Variants in PLIN4 observed in about 807,000 individuals in gnomAD.
PLIN4 encodes the protein perilipin-4.
Under a neutral mutation model 52.4 loss-of-function variants are expected in PLIN4, and 57 were observed. The observed-to-expected ratio is 1.09, with a 90% confidence interval of 0.88 to 1.36. PLIN4 has a LOEUF of 1.36. Among genes scored for constraint, PLIN4 ranks in the 40% most tolerant of loss-of-function variants. The probability of loss-of-function intolerance (pLI) is 0.00; values close to 1 mark genes in which losing one functional copy is unlikely to be tolerated. For missense variants in PLIN4, 1,757 were observed against 1,770.3 expected, an observed-to-expected ratio of 0.99 and a Z score of 0.13; for synonymous variants, 826 against 785.4, an observed-to-expected ratio of 1.05 and a Z score of -0.86.
Position 4,504,760 on chromosome 19 carries a change from C to G in PLIN4, c.3815G>C (p.Arg1272Thr). The G allele has an allele frequency of 1.3e-6, 2 of 1,599,986 alleles. No individual in the cohort carries two copies. The highest frequency in any genetic ancestry group is 8.5e-7 in the Non-Finnish European group (1 of 1,172,742). ...QEERDAGVLS[R>T]VCGLLRQLHT... Reference sequence around the variant, plus strand: ...CAGCTGCCGGAGAAGGCCGCAGACCCTGGACAGAACCCCGGCATCCCGCTC... The same window carrying G: ...CAGCTGCCGGAGAAGGCCGCAGACCGTGGACAGAACCCCGGCATCCCGCTC... The change falls in exon 8 of 8, where the codon AGG becomes ACG. Residue 1272 changes from arginine (R) to threonine (T), a missense_variant. This residue lies in a region of PLIN4 where 712 missense variants were observed against 637.1 expected (regional missense o/e 1.12). Transcript: ENST00000301286.
At chr19:4,517,724 G>A in intron 2 of PLIN4, 26 bp from the exon 3 acceptor site, 1 of 1,564,790 alleles carries the variant, frequency 6.4e-7, no homozygotes, top group Non-Finnish European at 8.7e-7. Context: ...GGGTGTGCAG[G>A]ATGAGCAGGC....
intron 3 of PLIN4, 95 bp from the exon 4 acceptor site, chr19:4,516,773 G>A: frequency 3.2e-6 from 4 of 1,254,516 alleles, no homozygotes; most frequent in Non-Finnish European, 4.3e-6. Context: ...CAGCCTAAAA[G>A]GTCAGGAATG....
Position 4,517,265 on chromosome 19 carries a change from T to G in PLIN4, c.196+289A>C, listed in dbSNP as rs1043857895. On this transcript the variant is annotated intron_variant, in intron 3 of 7. Coordinates refer to ENST00000301286, the MANE Select transcript of PLIN4 (RefSeq NM_001367868.2). ...GCTCAGATGGGCAGAGCACCCAGCC[T>G]GGGCCATGGTGCATCAGAAACGGAG... Among the ~76,000 whole-genome samples, 4 of 152,050 alleles carry G rather than the reference T, an allele frequency of 2.6e-5. No homozygotes were observed. The East Asian group carries it at 7.7e-4, about 29-fold the overall frequency.
chr19:4,504,973 T>G, intron 6 of PLIN4, 26 bp from the exon 7 acceptor site: 1 of 1,575,074 alleles, frequency 6.3e-7, no homozygotes, highest in Middle Eastern at 1.7e-4. Context: ...AGTGGGGAAA[T>G]GATGGCTTCT....
Position 4,512,246 on chromosome 19 carries a change from G to A in PLIN4, c.1714C>T (p.Leu572Phe), listed in dbSNP as rs143850052. Residue 572 changes from leucine to phenylalanine, a missense_variant, in exon 5 of 8, where the codon CTC (leucine) becomes TTC (phenylalanine). Physicochemically the swap from Leu to Phe is conservative, Grantham distance 22 (BLOSUM62 0). This residue lies in a region of PLIN4 where 439 missense variants were observed against 406.4 expected (regional missense o/e 1.08). Transcript: ENST00000301286. ...IGTKDTMSTG[L>F]TGAANVAKGA... ...TTGGCCACATTCGCTGCCCCCGTGAGCCCAGTGGACATCGTGTCTTTTGTA... is the reference window on the plus strand; with the variant it reads ...TTGGCCACATTCGCTGCCCCCGTGAACCCAGTGGACATCGTGTCTTTTGTA... 832 of 1,610,594 alleles carry A rather than the reference G, an allele frequency of 5.2e-4. 38 individuals carry two copies. The African/African-American group carries it at 0.01, about 19-fold the overall frequency.
In PLIN4 at chr19:4,508,854, C is replaced by T. The variant is rs759821686; in HGVS notation, c.3616G>A (p.Ala1206Thr). The change falls in exon 6 of 8, where the codon GCA becomes ACA. Residue 1206 changes from alanine to threonine, a missense_variant. Physicochemically the swap from Ala to Thr is moderately conservative, Grantham distance 58. Transcript: ENST00000301286. ...AGGTGGCTCACCGCGTGTTCAAATG[C>T]CCGCTGGCGGAAGCTGGGACCCAGG... ...GDLGPSFRQR[A>T]FEHAVSHLQH... 6 of 1,611,464 alleles carry T rather than the reference C, an allele frequency of 3.7e-6. No homozygotes were observed. In the African/African-American group the frequency reaches 6.7e-5, roughly 18 times the overall value.
Position 4,506,477 on chromosome 19 carries a change from C to T in PLIN4, c.3703-1530G>A, listed in dbSNP as rs149234331. Reference sequence around the variant, plus strand: ...GTTCCATTTTCCAAGCATCATCCAACGCGACGCCCTATATATTCATCTGTG... The same window carrying T: ...GTTCCATTTTCCAAGCATCATCCAATGCGACGCCCTATATATTCATCTGTG... On this transcript the variant is annotated intron_variant, in intron 6 of 7. Coordinates refer to ENST00000301286, the MANE Select transcript of PLIN4 (RefSeq NM_001367868.2). Among the ~76,000 whole-genome samples the T allele has an allele frequency of 3.0e-4, 45 of 152,336 alleles. 1 individual carries two copies. The East Asian group carries it at 5.6e-3, about 19-fold the overall frequency.
rs145635295 is a variant in PLIN4, at chr19:4,513,222, C to G, written c.738G>C (p.Val246=). 102 of 1,613,938 alleles carry G rather than the reference C, an allele frequency of 6.3e-5. 1 individual carries two copies. In the African/African-American group the frequency reaches 8.3e-4, roughly 13 times the overall value. ...DAVSTGLTGA[V]NVARGSIQTG... is the part of the protein sequence containing the mutation. Reference sequence around the variant, plus strand: ...TCTGAATGCTTCCTCTGGCCACATTCACTGCCCCTGTGAGCCCAGTGGACA... The same window carrying G: ...TCTGAATGCTTCCTCTGGCCACATTGACTGCCCCTGTGAGCCCAGTGGACA... Residue 246 remains valine (V), a synonymous_variant, in exon 5 of 8, where the codon GTG becomes GTC. Transcript: ENST00000301286.
chr19:4,508,743 G>A, intron 6 of PLIN4, 25 bp downstream of exon 6: 1 of 1,554,490 alleles, frequency 6.4e-7, no homozygotes, highest in Non-Finnish European at 8.7e-7. Context: ...CTGGGGACGG[G>A]GCAGCAGCAG....
At chr19:4,516,393 T>C (rs1976582185) in intron 4 of PLIN4, among the ~76,000 whole-genome samples, 1 of 151,998 alleles carries the variant, frequency 6.6e-6, no homozygotes, top group East Asian at 1.9e-4. Context: ...GGGGTAGCAC[T>C]GCACCCATTT....
intron 6 of PLIN4, among the ~76,000 whole-genome samples, chr19:4,506,282 A>G (rs1382477154): frequency 6.6e-6 from 1 of 151,618 alleles, no homozygotes; most frequent in African/African-American, 2.4e-5. Context: ...TATTCCTCCA[A>G]CATGCCGGGA....
intron 5 of PLIN4, among the ~76,000 whole-genome samples, chr19:4,510,208 T>A (rs1471052860): frequency 6.6e-6 from 1 of 150,500 alleles, no homozygotes; most frequent in East Asian, 2.0e-4. Flanking sequence ...CTACTAAAAA[T>A]ACAAAAAATT....
intron 6 of PLIN4, among the ~76,000 whole-genome samples, chr19:4,508,260 C>T (rs114934858): frequency 2.4e-4 from 37 of 152,176 alleles, no homozygotes; most frequent in African/African-American, 7.7e-4. Flanking sequence ...GTGTCCCCAC[C>T]GTCTTTATTT....
chr19:4,510,778 G>A lies in PLIN4; in HGVS notation c.3182C>T (p.Ala1061Val), dbSNP rs1599742069. 1 of 1,582,194 alleles carries A rather than the reference G, an allele frequency of 6.3e-7. No individual in the cohort carries two copies. The highest frequency in any genetic ancestry group is 1.3e-5 in the African/African-American group (1 of 74,288). The change falls in exon 5 of 8, where the codon GCC (alanine) becomes GTC (valine). Residue 1061 changes from alanine to valine, a missense_variant. Ala to Val is a moderately conservative substitution (Grantham distance 64, BLOSUM62 0). Coordinates refer to ENST00000301286, the MANE Select transcript of PLIN4 (RefSeq NM_001367868.2). ...ACTGGTGAGTCCACCCCAGGAGGTGGCGGGGGTACTAGGTAACCAGTTCTG... is the reference window on the plus strand; with the variant it reads ...ACTGGTGAGTCCACCCCAGGAGGTGACGGGGGTACTAGGTAACCAGTTCTG... ...TFQNWLPSTP[A>V]TSWGGLTSSR...
chr19:4,516,798 C>G, intron 3 of PLIN4, 120 bp from the exon 4 acceptor site: 1 of 1,032,038 alleles, frequency 9.7e-7, no homozygotes, highest in Non-Finnish European at 1.4e-6. Flanking sequence ...AGCTACCCCG[C>G]CAGGGACAGC....
Position 4,513,693 on chromosome 19 carries a change from G to A in PLIN4, c.267C>T (p.Ser89=), listed in dbSNP as rs778461282. ...TGGAACACACCAGGTCTTTGGCCCC[G>A]GACACCATCTGCTGAGAAAGGACAC... ...KELQPSEKMV[S]GAKDLVCSKM... Residue 89 remains serine, a synonymous_variant, in exon 5 of 8, where the codon TCC becomes TCT. Coordinates refer to ENST00000301286, the MANE Select transcript of PLIN4 (RefSeq NM_001367868.2). 26 of 1,574,940 alleles carry A rather than the reference G, an allele frequency of 1.7e-5. No individual in the cohort carries two copies. The highest frequency in any genetic ancestry group is 6.7e-5 in the East Asian group (3 of 44,534).
intron 6 of PLIN4, among the ~76,000 whole-genome samples, chr19:4,507,710 C>G (rs1237881153): frequency 6.6e-6 from 1 of 152,016 alleles, no homozygotes; most frequent in African/African-American, 2.4e-5. Flanking sequence ...AACATAAACC[C>G]CTAGAGCAGT....
At chr19:4,507,344 A>G (rs1191804476) in intron 6 of PLIN4, among the ~76,000 whole-genome samples, 1 of 152,212 alleles carries the variant, frequency 6.6e-6, no homozygotes, top group Non-Finnish European at 1.5e-5. Context: ...GGCCAAGGCA[A>G]GAGGATCGCG....
At position 4,512,993 on chromosome 19, in the gene PLIN4, C is replaced by T. The variant is rs1182920987; in HGVS notation, c.967G>A (p.Val323Met). The part of the protein sequence containing the change: ...NVAKGTIQTG[V>M]DTSKTVLTGT... ...GTTAGGACAGTCTTACTGGTGTCCA[C>T]GCCGGTCTGGATGGTTCCTTTGGCC... The change falls in exon 5 of 8, where the codon GTG becomes ATG. Residue 323 changes from valine to methionine, a missense_variant. By Grantham distance (21) the Val-to-Met change is conservative. Around this residue, in one of 7 missense-constraint regions of PLIN4, gnomAD observed 99 missense variants for 143.4 expected, o/e 0.69. Coordinates refer to ENST00000301286, the MANE Select transcript of PLIN4 (RefSeq NM_001367868.2). 8 of 564,358 alleles carry T rather than the reference C, an allele frequency of 1.4e-5. No individual in the cohort carries two copies. The highest frequency in any genetic ancestry group is 8.2e-5 in the East Asian group (3 of 36,534). 35.0% of individuals were successfully genotyped at this position (564,358 alleles called of 1,614,324 possible).
Sources: allele counts gnomAD v4.1 joint callset (sites outside exome capture counted in the v4.1 genomes callset), GRCh38; gene constraint gnomAD v4.1.1; regional missense constraint gnomAD v4.1.1; transcripts MANE v1.5; gene names NCBI Gene and HGNC (gene_info 2026-07-23, HGNC 2026-07-21).